The following PPEF1 variants were observed in gnomAD, a reference collection of about 807,000 sequenced individuals.
The protein encoded by PPEF1 is protein phosphatase with EF-hand domain 1, also known as serine/threonine-protein phosphatase with EF-hands 1.
PPEF1 carries 12 observed loss-of-function variants against 53.3 expected under a neutral mutation model. That is an observed-to-expected ratio of 0.23 (90% CI 0.14 to 0.36). The LOEUF (loss-of-function observed/expected upper bound fraction) is 0.36, where lower values mean the gene tolerates loss of function less well. PPEF1 is among the 10% of genes least tolerant of loss of function. PPEF1 has a pLI of 1.00. For synonymous variants in PPEF1, 165 were observed against 176.7 expected, an observed-to-expected ratio of 0.93 and a Z score of 0.52; for missense variants, 334 against 490.4, an observed-to-expected ratio of 0.68 and a Z score of 3.01.
At chrX:18,702,232 A>G (rs949729791) in intron 6 of PPEF1, among the ~76,000 whole-genome samples, 1 of 110,942 alleles carries the variant, frequency 9.0e-6, no homozygotes, top group African/African-American at 3.3e-5. Context: ...CTGATGAGGC[A>G]TCTGTTCCTC....
At position 18,804,327 on chromosome X, in the gene PPEF1, G is replaced by A. The variant is rs756618435; in HGVS notation, c.1251+250G>A. 2.7e-3 allele frequency among the ~76,000 whole-genome samples: 275 copies of A among 103,272 alleles called. 1 individual carries two copies. Among genetic ancestry groups the A allele is most frequent in the African/African-American group, 9.6e-3 (269 of 28,029 alleles). 89.7% of individuals were successfully genotyped at this position (103,272 alleles called of 115,157 possible). A position where few individuals can be genotyped will look rare whatever the true frequency, so the allele number is the denominator to read the frequency against. On this transcript the variant is annotated intron_variant, in intron 11 of 15. Transcript: ENST00000470157. ...ACAGAAATTCTTTTTTTTTTTTTGA[G>A]ATGGAGTCTCACTCTGCCACCCAGG...
At chrX:18,758,159 A>G (rs2147494920) in intron 5 of PPEF1, among the ~76,000 whole-genome samples, 1 of 111,342 alleles carries the variant, frequency 9.0e-6, no homozygotes, top group African/African-American at 3.3e-5. Context: ...GCTGTTTTAG[A>G]TTTTTCCAAC....
chrX:18,741,772 CT>C (rs58971135), intron 3 of PPEF1, among the ~76,000 whole-genome samples: 2,703 of 66,332 alleles, frequency 0.041, 75 homozygotes, highest in African/African-American at 0.075. Flanking sequence ...GCTGCTGCTT[CT>C]TTTTTTTTTT....
intron 6 of PPEF1, among the ~76,000 whole-genome samples, chrX:18,764,416 G>T (rs1322467778): frequency 6.3e-5 from 7 of 111,483 alleles, no homozygotes; most frequent in African/African-American, 2.0e-4. Context: ...GTGTCCTGGG[G>T]ATGGGTGGGT....
chrX:18,803,292 C>G (rs1044323970), intron 10 of PPEF1, among the ~76,000 whole-genome samples: 2 of 113,231 alleles, frequency 1.8e-5, no homozygotes, highest in African/African-American at 6.4e-5. Flanking sequence ...GAATGCCTTT[C>G]AGCGGTTTTC....
intron 10 of PPEF1, among the ~76,000 whole-genome samples, chrX:18,790,923 G>A (rs1019319697): frequency 2.7e-5 from 3 of 110,398 alleles, no homozygotes; most frequent in African/African-American, 9.8e-5. Flanking sequence ...TGCCCGCCTC[G>A]GCCTCCCAAA....
At chrX:18,712,508 C>T (rs1350086118) in intron 1 of PPEF1, among the ~76,000 whole-genome samples, 1 of 112,206 alleles carries the variant, frequency 8.9e-6, no homozygotes. Flanking sequence ...TATCCCAAAA[C>T]TTTACTGAAC....
chrX:18,732,429 A>G (rs2044859184), intron 2 of PPEF1, among the ~76,000 whole-genome samples: 1 of 112,314 alleles, frequency 8.9e-6, no homozygotes, highest in South Asian at 3.7e-4. Context: ...AGGAGCTGCT[A>G]AACTGTGTTC....
intron 1 of PPEF1, among the ~76,000 whole-genome samples, chrX:18,726,521 G>A (rs1487699546): frequency 3.6e-5 from 4 of 111,261 alleles, no homozygotes; most frequent in African/African-American, 6.5e-5. Context: ...CAAGAGACTC[G>A]CCTTTCTGAA....
At chrX:18,716,326 A>G (rs906136681) in intron 1 of PPEF1, among the ~76,000 whole-genome samples, 62 of 109,828 alleles carry the variant, frequency 5.6e-4, no homozygotes, top group African/African-American at 2.0e-3. Flanking sequence ...AGGTCAGGAG[A>G]TTGAGACCAT....
chrX:18,699,507 C>T (rs956318298), intron 5 of PPEF1, among the ~76,000 whole-genome samples: 2 of 111,948 alleles, frequency 1.8e-5, no homozygotes, highest in South Asian at 3.7e-4. Context: ...GCAGCGCGGC[C>T]GCGATCAGTA....
chrX:18,774,677 G>A (rs1173930931), intron 6 of PPEF1, among the ~76,000 whole-genome samples: 1 of 112,349 alleles, frequency 8.9e-6, no homozygotes, highest in Non-Finnish European at 1.9e-5. Context: ...ACATCTGCAA[G>A]TACTTTTCTA....
chrX:18,801,021 A>G (rs756851803), intron 10 of PPEF1, among the ~76,000 whole-genome samples: 3 of 112,116 alleles, frequency 2.7e-5, no homozygotes, highest in African/African-American at 6.5e-5. Context: ...GTCCCTAAAC[A>G]TGACATCATG....
intron 10 of PPEF1, among the ~76,000 whole-genome samples, chrX:18,789,832 A>T (rs1435336300): frequency 2.7e-5 from 3 of 112,339 alleles, no homozygotes; most frequent in Non-Finnish European, 5.6e-5. Context: ...GTATTTATTC[A>T]TTCATAAGCT....
intron 12 of PPEF1, among the ~76,000 whole-genome samples, chrX:18,815,922 T>C (rs2046900768): frequency 2.8e-5 from 3 of 107,241 alleles, no homozygotes; most frequent in African/African-American, 1.0e-4. Context: ...TTTTTTGAGA[T>C]GGAGTTTTGC....
chrX:18,809,089 TTATATCTATCTATC>T (rs1655828554), intron 12 of PPEF1, among the ~76,000 whole-genome samples: 1 of 78,772 alleles, frequency 1.3e-5, no homozygotes, highest in African/African-American at 5.5e-5. Context: ...ATATATCACA[TTATATCTATCTATC>T]TATCTATCTA....
intron 12 of PPEF1, among the ~76,000 whole-genome samples, chrX:18,809,117 A>G (rs941713201): frequency 3.7e-4 from 40 of 108,288 alleles, no homozygotes; most frequent in East Asian, 5.8e-4. Context: ...CTATCTATCT[A>G]TCTATCTATC....
At chrX:18,720,640 C>G (rs2044570291) in intron 1 of PPEF1, among the ~76,000 whole-genome samples, 1 of 111,493 alleles carries the variant, frequency 9.0e-6, no homozygotes, top group Non-Finnish European at 1.9e-5. Context: ...TAATCCTGTA[C>G]ATCCTGAGAT....
chrX:18,678,954 CT>C (rs969467616), upstream of PPEF1, among the ~76,000 whole-genome samples: 3 of 111,361 alleles, frequency 2.7e-5, no homozygotes, highest in Non-Finnish European at 5.7e-5. Flanking sequence ...CTAGTCTAGA[CT>C]TTTCTCTCAA....
Sources: gnomAD v4.1 joint callset for allele counts (sites outside exome capture counted in the v4.1 genomes callset) on GRCh38, gnomAD v4.1.1 for gene constraint, MANE v1.5 for transcripts, NCBI Gene and HGNC (gene_info 2026-07-23, HGNC 2026-07-21) for gene names.